Variants in C10orf67 observed in about 807,000 individuals in gnomAD.
C10orf67 encodes the protein chromosome 10 open reading frame 67, also known as uncharacterized protein C10orf67, mitochondrial.
Under a neutral mutation model 35.6 loss-of-function variants are expected in C10orf67, and 60 were observed. The ratio of observed to expected loss-of-function variants is 1.68; its 90% CI spans 1.37 to 2.09. The LOEUF is 2.09. C10orf67 is among the 30% of genes most tolerant of loss of function. C10orf67 has a pLI of 0.00. For synonymous variants in C10orf67, 167 were observed against 115.8 expected (o/e 1.44, Z -2.84); for missense variants, 474 against 330.2 (o/e 1.44, Z -3.38).
rs980496948 is a variant in C10orf67 at position 23,210,022 on chromosome 10, A to T, written c.1571-5767T>A. On this transcript the variant is annotated intron_variant, in intron 15 of 15. Coordinates refer to ENST00000636213, the MANE Select transcript of C10orf67 (RefSeq NM_001371909.1). ...CTAAAAAAAAAAAAAAAAAAAAAAA[A>T]GGAATTAAGGAATGCTTAGCAGTAA... Among the ~76,000 whole-genome samples, 171 of 145,554 alleles carry T rather than the reference A, an allele frequency of 1.2e-3. 1 individual carries two copies. The highest frequency in any genetic ancestry group is 4.0e-3 in the African/African-American group (157 of 39,492).
At chr10:23,224,120 C>T (rs1841664613) in intron 13 of C10orf67, among the ~76,000 whole-genome samples, 1 of 152,184 alleles carries the variant, frequency 6.6e-6, no homozygotes, top group Non-Finnish European at 1.5e-5. Context: ...TTGGAAGCCA[C>T]CAAAATTAGC....
chr10:23,259,415 G>A (rs1842689396), intron 10 of C10orf67, among the ~76,000 whole-genome samples: 1 of 152,158 alleles, frequency 6.6e-6, no homozygotes, highest in Non-Finnish European at 1.5e-5. Context: ...ATCCCTAGAA[G>A]ACTAGATTGA....
chr10:23,292,928 G>A (rs977572412), intron 5 of C10orf67, among the ~76,000 whole-genome samples: 6 of 151,334 alleles, frequency 4.0e-5, no homozygotes, highest in South Asian at 2.1e-4. Flanking sequence ...CGAAGAATCC[G>A]TCATTAATTT....
intron 4 of C10orf67, among the ~76,000 whole-genome samples, chr10:23,310,455 C>A (rs1370156785): frequency 2.0e-5 from 3 of 152,214 alleles, no homozygotes; most frequent in African/African-American, 7.2e-5. Flanking sequence ...GGAACAGAAA[C>A]AAGTGTCAAT....
chr10:23,235,030 A>AG (rs1372304236), intron 13 of C10orf67, among the ~76,000 whole-genome samples: 1 of 151,178 alleles, frequency 6.6e-6, no homozygotes, highest in Non-Finnish European at 1.5e-5. Flanking sequence ...AAAAAAAAAA[A>AG]AAGCTAAATA....
intron 4 of C10orf67, among the ~76,000 whole-genome samples, chr10:23,306,544 A>AG (rs1204135958): frequency 5.9e-4 from 90 of 151,826 alleles, no homozygotes; most frequent in Non-Finnish European, 1.2e-3. Context: ...AAAAAAAAAA[A>AG]AAAAAAAGAA....
intron 13 of C10orf67, among the ~76,000 whole-genome samples, chr10:23,224,478 C>T (rs1841678253): frequency 6.6e-6 from 1 of 152,206 alleles, no homozygotes; most frequent in South Asian, 2.1e-4. Flanking sequence ...CTCCTCTCCC[C>T]CTCCAAAGGA....
chr10:23,328,281 A>G (rs7087803), intron 2 of C10orf67, among the ~76,000 whole-genome samples: 86,471 of 151,940 alleles, frequency 0.57, 25,841 homozygotes, highest in East Asian at 0.87. Context: ...GGCAATGTGC[A>G]TAGCTAAAAT....
chr10:23,290,513 A>G (rs1843688844), intron 6 of C10orf67, among the ~76,000 whole-genome samples: 1 of 152,246 alleles, frequency 6.6e-6, no homozygotes, highest in Admixed American at 6.5e-5. Flanking sequence ...GTTAAATGAA[A>G]AAATACGTTA....
chr10:23,341,714 C>T (rs544779757), intron 1 of C10orf67, among the ~76,000 whole-genome samples: 3 of 152,272 alleles, frequency 2.0e-5, no homozygotes, highest in East Asian at 3.9e-4. Context: ...CACTGGCCTC[C>T]TTGCTGCTCC....
chr10:23,222,882 T>C (rs532670637), intron 15 of C10orf67, among the ~76,000 whole-genome samples: 1 of 152,150 alleles, frequency 6.6e-6, no homozygotes, highest in East Asian at 1.9e-4. Context: ...CCCAGGCTGG[T>C]CTAGAGCTCC....
intron 10 of C10orf67, among the ~76,000 whole-genome samples, chr10:23,256,393 T>C (rs1303013517): frequency 6.6e-6 from 1 of 152,164 alleles, no homozygotes; most frequent in Non-Finnish European, 1.5e-5. Context: ...AAGAAAAATC[T>C]AGATAAACTA....
intron 13 of C10orf67, among the ~76,000 whole-genome samples, chr10:23,224,692 T>C (rs926623881): frequency 6.6e-6 from 1 of 152,178 alleles, no homozygotes; most frequent in Non-Finnish European, 1.5e-5. Context: ...AAGGACGTGA[T>C]GGAGCTGAAA....
At chr10:23,240,220 A>G (rs1395022641) in intron 12 of C10orf67, among the ~76,000 whole-genome samples, 1 of 152,168 alleles carries the variant, frequency 6.6e-6, no homozygotes, top group Non-Finnish European at 1.5e-5. Flanking sequence ...ACACACACAC[A>G]CAAACCACAC....
intron 13 of C10orf67, among the ~76,000 whole-genome samples, chr10:23,224,893 T>C (rs1051964718): frequency 3.3e-5 from 5 of 152,200 alleles, no homozygotes; most frequent in African/African-American, 1.2e-4. Context: ...CTATGTCTGA[T>C]TGGTGTACCT....
chr10:23,271,697 C>A (rs1843029078), intron 8 of C10orf67, among the ~76,000 whole-genome samples: 1 of 152,100 alleles, frequency 6.6e-6, no homozygotes, highest in East Asian at 1.9e-4. Flanking sequence ...CTTTTTATGT[C>A]ATCATTTGCC....
chr10:23,267,120 T>C lies in C10orf67; in HGVS notation c.1035+75A>G, dbSNP rs1588631869. 4 of 673,266 alleles carry C rather than the reference T, an allele frequency of 5.9e-6. No individual in the cohort carries two copies. The East Asian group carries it at 1.1e-4, about 18-fold the overall frequency. The allele number at this position is 673,266 out of a possible 1,614,324, so 41.7% of individuals were successfully genotyped here. On this transcript the variant is annotated intron_variant, in intron 9 of 15. Transcript: ENST00000636213. Reference sequence around the variant, plus strand: ...AAAACCTCAGTATGCTACACAGATTTGTCAATTCAGATACCAAAATCAGAG... The same window carrying C: ...AAAACCTCAGTATGCTACACAGATTCGTCAATTCAGATACCAAAATCAGAG...
intron 5 of C10orf67, among the ~76,000 whole-genome samples, chr10:23,293,025 T>G (rs544701826): frequency 7.2e-5 from 11 of 152,172 alleles, no homozygotes; most frequent in Middle Eastern, 6.8e-3. Context: ...TGGAAAGAAA[T>G]AAACAAACAA....
chr10:23,326,513 A>T (rs1845200708), intron 2 of C10orf67, among the ~76,000 whole-genome samples: 1 of 152,176 alleles, frequency 6.6e-6, no homozygotes, highest in African/African-American at 2.4e-5. Flanking sequence ...TAGGCTAAAG[A>T]GAAATAATTT....
Sources: allele counts gnomAD v4.1 joint callset (sites outside exome capture counted in the v4.1 genomes callset), GRCh38; gene constraint gnomAD v4.1.1; transcripts MANE v1.5; gene names NCBI Gene and HGNC (gene_info 2026-07-23, HGNC 2026-07-21).